Variants in HMCN1 observed in about 807,000 individuals in gnomAD.
The protein encoded by HMCN1 is hemicentin 1, also known as hemicentin-1.
In HMCN1, 321 loss-of-function variants were observed where a neutral mutation model predicts 625.9. The ratio of observed to expected loss-of-function variants is 0.51; its 90% CI spans 0.47 to 0.56. The LOEUF is 0.56. Ranked by LOEUF, HMCN1 falls within the 20% of genes least tolerant of loss-of-function variation. The probability of loss-of-function intolerance (pLI) is 0.00; values close to 1 mark genes in which losing one functional copy is unlikely to be tolerated. For missense variants in HMCN1, 6,588 were observed against 6,887.3 expected, an observed-to-expected ratio of 0.96 and a Z score of 1.54; for synonymous variants, 2,425 against 2,417.6, an observed-to-expected ratio of 1.00 and a Z score of -0.09.
At position 186,093,513 on chromosome 1, in the gene HMCN1, A is replaced by T; in HGVS notation, c.10040A>T (p.Asp3347Val). 6.2e-7 allele frequency: 1 copy of T among 1,613,416 alleles called. No homozygotes were observed. The highest frequency in any genetic ancestry group is 8.5e-7 in the Non-Finnish European group (1 of 1,179,552). Residue 3347 changes from aspartate (D) to valine (V), a missense_variant, in exon 66 of 107, where the codon GAT (aspartate) becomes GTT (valine). Transcript: ENST00000271588. ...ACACCTACAATTAGGGGTAATAAAG[A>T]TGAAGCAGAGAAACTAATGACTTTA... is the stretch of plus-strand genomic sequence containing the variant. ...YVTPTIRGNK[D>V]EAEKLMTLVD... is the part of the protein sequence containing the mutation.
chr1:186,093,610 T>C lies in HMCN1; in HGVS notation c.10137T>C (p.Asn3379=), dbSNP rs1036868848. 3 of 1,613,490 alleles carry C rather than the reference T, an allele frequency of 1.9e-6. No individual in the cohort carries two copies. Among genetic ancestry groups the C allele is most frequent in the Non-Finnish European group, 2.5e-6 (3 of 1,179,660 alleles). The change falls in exon 66 of 107, where the codon AAT becomes AAC. Residue 3379 remains asparagine (N), a synonymous_variant. Coordinates refer to ENST00000271588, the MANE Select transcript of HMCN1 (RefSeq NM_031935.3). ...TPPPQINWLK[N]GLPLPLSSHI... Reference sequence around the variant, plus strand: ...CACCACAGATAAACTGGCTGAAGAATGGACTTCCTCTGCCTCTCTCCTCCC... The same window carrying C: ...CACCACAGATAAACTGGCTGAAGAACGGACTTCCTCTGCCTCTCTCCTCCC...
chr1:186,088,402 G>A lies in HMCN1; in HGVS notation c.9577+126G>A, dbSNP rs1268999549. On this transcript the variant is annotated intron_variant, in intron 62 of 106. Coordinates refer to ENST00000271588, the MANE Select transcript of HMCN1 (RefSeq NM_031935.3). Reference sequence around the variant, plus strand: ...GGGTGTTTAGTTCAAGAAGGCTAACGCACTGAAATACAGATTTACAAAATA... The same window carrying A: ...GGGTGTTTAGTTCAAGAAGGCTAACACACTGAAATACAGATTTACAAAATA... The A allele has an allele frequency of 7.2e-5, 105 of 1,452,690 alleles. No individual in the cohort carries two copies. The Admixed American group carries it at 1.0e-3, about 14-fold the overall frequency. The allele number at this position is 1,452,690 out of a possible 1,614,324, so 90.0% of individuals were successfully genotyped here. A position where few individuals can be genotyped will look rare whatever the true frequency, so the allele number is the denominator to read the frequency against.
chr1:185,812,509 A>T (rs943245379), intron 1 of HMCN1, among the ~76,000 whole-genome samples: 1 of 152,200 alleles, frequency 6.6e-6, no homozygotes, highest in African/African-American at 2.4e-5. Flanking sequence ...TCGATTCATT[A>T]TATAACATAA....
rs756971978 is a variant in HMCN1 at position 186,076,480 on chromosome 1, C to G, written c.8343C>G (p.Gly2781=). Residue 2781 remains glycine, a synonymous_variant, in exon 54 of 107, where the codon GGC becomes GGG. Coordinates refer to ENST00000271588, the MANE Select transcript of HMCN1 (RefSeq NM_031935.3). ...LWEIGNMLDT[G]RNGEAKDVII... ...AAATAGGAAACATGCTAGATACTGG[C>G]AGGAATGGTGAAGCCAAAGATGTGA... 1 of 1,613,688 alleles carries G rather than the reference C, an allele frequency of 6.2e-7. No homozygotes were observed. Among genetic ancestry groups the G allele is most frequent in the East Asian group, 2.2e-5 (1 of 44,802 alleles).
At chr1:186,088,351 GC>G in intron 62 of HMCN1, 75 bp downstream of exon 62, 5 of 1,603,532 alleles carry the variant, frequency 3.1e-6, no homozygotes, top group Non-Finnish European at 3.4e-6. Context: ...TTTTAAACTA[GC>G]ACATTTTAAG....
chr1:186,171,261 C>T, intron 100 of HMCN1, 76 bp from the exon 101 acceptor site: 2 of 1,042,896 alleles, frequency 1.9e-6, no homozygotes, highest in Non-Finnish European at 3.0e-6. Context: ...TGATCAAGAT[C>T]ATTAAAATGT....
intron 1 of HMCN1, among the ~76,000 whole-genome samples, chr1:185,769,473 T>C (rs1265590525): frequency 6.6e-6 from 1 of 151,898 alleles, no homozygotes. Context: ...GATGTTATAA[T>C]ATATGTTTGG....
rs928074012 is a variant in HMCN1 at position 185,963,988 on chromosome 1, T to C, written c.2098+93T>C. 7.0e-6 allele frequency: 7 copies of C among 1,003,216 alleles called. No individual in the cohort carries two copies. The South Asian group carries it at 7.7e-5, about 11-fold the overall frequency. The allele number at this position is 1,003,216 out of a possible 1,614,324, so 62.1% of individuals were successfully genotyped here. A position where few individuals can be genotyped will look rare whatever the true frequency, so the allele number is the denominator to read the frequency against. On this transcript the variant is annotated intron_variant, in intron 13 of 106. Transcript: ENST00000271588. ...TTTTTTGAAATATTAATATTAGTAA[T>C]GCATACATGGTATTATACTTTATTA...
intron 1 of HMCN1, among the ~76,000 whole-genome samples, chr1:185,801,292 AT>A (rs1314922065): frequency 6.6e-6 from 1 of 152,204 alleles, no homozygotes; most frequent in East Asian, 1.9e-4. Context: ...GCTAAGAAAA[AT>A]AAGTGCTCTG....
intron 1 of HMCN1, among the ~76,000 whole-genome samples, chr1:185,827,807 A>G (rs1468903145): frequency 6.6e-6 from 1 of 152,158 alleles, no homozygotes; most frequent in African/African-American, 2.4e-5. Context: ...CCATAAACAT[A>G]AAAACATATC....
At chr1:186,073,723 G>A (rs981236820) in intron 52 of HMCN1, among the ~76,000 whole-genome samples, 3 of 151,824 alleles carry the variant, frequency 2.0e-5, no homozygotes, top group Admixed American at 1.3e-4. Context: ...GGGAATAGAA[G>A]TCAGGAGGAG....
At chr1:185,962,132 G>T (rs1650065288) in intron 11 of HMCN1, among the ~76,000 whole-genome samples, 2 of 152,222 alleles carry the variant, frequency 1.3e-5, no homozygotes, top group East Asian at 3.9e-4. Flanking sequence ...ACAAGTTGTG[G>T]CTCCAATCCT....
chr1:186,166,886 G>A lies in HMCN1; in HGVS notation c.15518G>A (p.Cys5173Tyr), dbSNP rs1315130121. Reference sequence around the variant, plus strand: ...GACAATACGATTGGATCTTATCGCTGTGTGGTCCGTTGTGGAAGTGGCTTT... The same window carrying A: ...GACAATACGATTGGATCTTATCGCTATGTGGTCCGTTGTGGAAGTGGCTTT... ...DCDNTIGSYR[C>Y]VVRCGSGFRR... Residue 5173 changes from cysteine to tyrosine, a missense_variant, in exon 100 of 107, where the codon TGT becomes TAT. Transcript: ENST00000271588. The A allele has an allele frequency of 5.6e-6, 9 of 1,614,180 alleles. No homozygotes were observed. The highest frequency in any genetic ancestry group is 1.7e-5 in the Admixed American group (1 of 60,022).
At chr1:186,160,557 T>G (rs1180217889) in intron 97 of HMCN1, among the ~76,000 whole-genome samples, 1 of 151,990 alleles carries the variant, frequency 6.6e-6, no homozygotes, top group Non-Finnish European at 1.5e-5. Context: ...TGTGGGCATT[T>G]AGTGCTATAA....
chr1:185,738,719 A>C (rs540451029), intron 1 of HMCN1, among the ~76,000 whole-genome samples: 2 of 152,286 alleles, frequency 1.3e-5, no homozygotes. Context: ...TCCTCAATAC[A>C]CTACTATTAT....
Position 186,081,384 on chromosome 1 carries a change from G to A in HMCN1, c.8777G>A (p.Arg2926Gln), listed in dbSNP as rs377760099. The change falls in exon 56 of 107, where the codon CGA becomes CAA. Residue 2926 changes from arginine to glutamine, a missense_variant. Coordinates refer to ENST00000271588, the MANE Select transcript of HMCN1 (RefSeq NM_031935.3). ...DDHHKFLSNGRILQILNTQIT... is the reference protein window; with the variant it reads ...DDHHKFLSNGQILQILNTQIT... ...CATCATAAATTTCTATCTAATGGAC[G>A]AATTCTGCAGGTAAAAGTAAAGAAA... is the stretch of plus-strand genomic sequence containing the variant. The A allele has an allele frequency of 7.7e-5, 124 of 1,609,764 alleles. No individual in the cohort carries two copies. The highest frequency in any genetic ancestry group is 9.9e-5 in the Non-Finnish European group (116 of 1,176,446).
chr1:185,856,972 A>G (rs1662507233), intron 2 of HMCN1, among the ~76,000 whole-genome samples: 1 of 152,126 alleles, frequency 6.6e-6, no homozygotes, highest in Admixed American at 6.5e-5. Context: ...CTCCTCTCAC[A>G]GTTTAAAGTT....
intron 82 of HMCN1, among the ~76,000 whole-genome samples, chr1:186,127,178 G>A (rs903236234): frequency 7.2e-5 from 11 of 152,080 alleles, no homozygotes; most frequent in Middle Eastern, 3.2e-3. Context: ...TACAGGAAGG[G>A]GCCATTGGAA....
At chr1:186,015,637 C>A (rs1243437117) in intron 31 of HMCN1, among the ~76,000 whole-genome samples, 200 bp downstream of exon 31, 1 of 152,118 alleles carries the variant, frequency 6.6e-6, no homozygotes. Flanking sequence ...ATTCATTCAA[C>A]TAACCTTTGT....
Sources: allele counts gnomAD v4.1 joint callset (sites outside exome capture counted in the v4.1 genomes callset), GRCh38; gene constraint gnomAD v4.1.1; transcripts MANE v1.5; gene names NCBI Gene and HGNC (gene_info 2026-07-23, HGNC 2026-07-21).